The following KLF8 variants were observed in gnomAD, a reference collection of about 807,000 sequenced individuals.
KLF8 encodes Krueppel-like factor 8.
In KLF8, 10 loss-of-function variants were observed where a neutral mutation model predicts 18.2. That is an observed-to-expected ratio of 0.55 (90% CI 0.34 to 0.93). The LOEUF is 0.93. Ranked by LOEUF, KLF8 falls within the 40% of genes least tolerant of loss-of-function variation. The pLI is 0.02. For synonymous variants in KLF8, 109 were observed against 97.3 expected (o/e 1.12, Z -0.71); for missense variants, 264 against 277.9 (o/e 0.95, Z 0.36).
the KLF8 span, among the ~76,000 whole-genome samples, chrX:56,086,712 G>T: frequency 9.0e-6 from 1 of 111,126 alleles, no homozygotes; most frequent in South Asian, 3.8e-4. Flanking sequence ...AGTAGTAGTA[G>T]TAGTTAAGGA....
the KLF8 span, among the ~76,000 whole-genome samples, chrX:56,122,705 C>A: frequency 1.8e-5 from 2 of 110,961 alleles, no homozygotes; most frequent in African/African-American, 6.6e-5. Context: ...TGTACCTATG[C>A]TTTCTTTTTC....
the KLF8 span, among the ~76,000 whole-genome samples, chrX:56,003,274 G>A: frequency 9.0e-6 from 1 of 110,618 alleles, no homozygotes; most frequent in African/African-American, 3.3e-5. Flanking sequence ...ACTGGGCATC[G>A]TGGTGTGATC....
the KLF8 span, among the ~76,000 whole-genome samples, chrX:56,118,750 A>G: frequency 5.4e-5 from 6 of 112,009 alleles, no homozygotes; most frequent in African/African-American, 1.9e-4. Flanking sequence ...TGGGTGATAA[A>G]ATTTTGCCAA....
At chrX:55,970,546 G>A in the KLF8 span, among the ~76,000 whole-genome samples, 1,256 of 111,694 alleles carry the variant, frequency 0.011, 12 homozygotes, top group African/African-American at 0.039. Context: ...GTTATTCAAC[G>A]TAGTACTGCA....
chrX:56,166,227 A>G, the KLF8 span, among the ~76,000 whole-genome samples: 1 of 110,606 alleles, frequency 9.0e-6, no homozygotes, highest in African/African-American at 3.3e-5. Flanking sequence ...TTTACTTAAT[A>G]GTTAATATTT....
the KLF8 span, among the ~76,000 whole-genome samples, chrX:56,046,371 A>G: frequency 9.0e-6 from 1 of 111,248 alleles, no homozygotes; most frequent in Admixed American, 9.6e-5. Flanking sequence ...CTACTCTGTT[A>G]TTAGTACTTT....
intron 1 of KLF8, among the ~76,000 whole-genome samples, chrX:56,244,531 C>T (rs932025763): frequency 8.9e-6 from 1 of 111,757 alleles, no homozygotes; most frequent in African/African-American, 3.3e-5. Context: ...GTGCCTACTA[C>T]TAGGGTTGTA....
At chrX:56,256,246 A>G (rs1377558581) in intron 2 of KLF8, among the ~76,000 whole-genome samples, 4 of 110,553 alleles carry the variant, frequency 3.6e-5, no homozygotes, top group Admixed American at 2.9e-4. Flanking sequence ...TTCATTTCTG[A>G]TATTATTTAT....
At chrX:56,010,540 A>G in the KLF8 span, among the ~76,000 whole-genome samples, 2 of 111,991 alleles carry the variant, frequency 1.8e-5, no homozygotes, top group African/African-American at 6.5e-5. Context: ...GACACTGTGA[A>G]GCAACTACAT....
At chrX:56,184,205 G>A in the KLF8 span, among the ~76,000 whole-genome samples, 440 of 112,230 alleles carry the variant, frequency 3.9e-3, 1 homozygote, top group Middle Eastern at 0.033. Context: ...AAAAAATGGC[G>A]CACCAGGAGA....
At chrX:56,150,555 A>C in the KLF8 span, among the ~76,000 whole-genome samples, 1 of 111,251 alleles carries the variant, frequency 9.0e-6, no homozygotes, top group Non-Finnish European at 1.9e-5. Flanking sequence ...CAATGAAGGA[A>C]AGACAAGCTA....
chrX:55,988,909 G>A, the KLF8 span, among the ~76,000 whole-genome samples: 1 of 111,149 alleles, frequency 9.0e-6, no homozygotes. Flanking sequence ...CCTTGAAGAG[G>A]TCCTCCACAT....
chrX:56,175,268 A>G, the KLF8 span, among the ~76,000 whole-genome samples: 2 of 111,584 alleles, frequency 1.8e-5, no homozygotes, highest in African/African-American at 6.5e-5. Flanking sequence ...ACTGCTTTGA[A>G]TGTGTCCCAG....
chrX:55,949,330 A>G, the KLF8 span, among the ~76,000 whole-genome samples: 1 of 81,696 alleles, frequency 1.2e-5, no homozygotes, highest in Non-Finnish European at 2.3e-5. Context: ...CAGTTTTCAT[A>G]TGCTGTGTGT....
chrX:56,271,463 T>C (rs1402600108), intron 5 of KLF8, among the ~76,000 whole-genome samples: 1 of 111,269 alleles, frequency 9.0e-6, no homozygotes, highest in Non-Finnish European at 1.9e-5. Context: ...TTCTCCATAG[T>C]GGTCTCCAAG....
chrX:56,180,325 C>A, the KLF8 span, among the ~76,000 whole-genome samples: 15 of 111,482 alleles, frequency 1.3e-4, no homozygotes, highest in Non-Finnish European at 2.6e-4. Flanking sequence ...ATTGTGTTAT[C>A]CCCTTTATCA....
chrX:56,287,899 A>G lies in KLF8; in HGVS notation c.*3405A>G, dbSNP rs2067284912. On this transcript the variant is annotated 3_prime_UTR_variant, in exon 6 of 6. Coordinates refer to ENST00000468660, the MANE Select transcript of KLF8 (RefSeq NM_007250.5). ...ATGTTAATATTATTAACTGAAGTCC[A>G]TACTTTATTCAGGTTTCTTTAGTTT... 1.8e-5 allele frequency: 2 copies of G among 109,337 alleles called. No individual in the cohort carries two copies. The highest frequency in any genetic ancestry group is 1.9e-4 in the Admixed American group (2 of 10,350). 9.0% of individuals were successfully genotyped at this position (109,337 alleles called of 1,213,427 possible).
At chrX:56,271,102 C>T (rs2067052133) in intron 5 of KLF8, among the ~76,000 whole-genome samples, 1 of 112,085 alleles carries the variant, frequency 8.9e-6, no homozygotes, top group Non-Finnish European at 1.9e-5. Flanking sequence ...CTAGAGATGA[C>T]TTAAAATATA....
the KLF8 span, among the ~76,000 whole-genome samples, chrX:56,184,962 A>G: frequency 8.9e-6 from 1 of 112,715 alleles, no homozygotes; most frequent in African/African-American, 3.2e-5. Flanking sequence ...TAAAAAGCAG[A>G]GTGCCTCTCC....
Sources: allele counts gnomAD v4.1 joint callset (sites outside exome capture counted in the v4.1 genomes callset), GRCh38; gene constraint gnomAD v4.1.1; transcripts MANE v1.5; gene names NCBI Gene and HGNC (gene_info 2026-07-23, HGNC 2026-07-21).